Variants in SCHIP1 observed in about 807,000 individuals in gnomAD.
SCHIP1 encodes the protein schwannomin interacting protein 1.
SCHIP1 carries 8 observed loss-of-function variants against 29.7 expected under a neutral mutation model. That is an observed-to-expected ratio of 0.27 (90% CI 0.16 to 0.49). The LOEUF (loss-of-function observed/expected upper bound fraction) is 0.49, where lower values mean the gene tolerates loss of function less well. Ranked by LOEUF, SCHIP1 falls within the 20% of genes least tolerant of loss-of-function variation. The pLI, the probability that SCHIP1 is intolerant of heterozygous loss-of-function variation, is 0.99. For missense variants in SCHIP1, 193 were observed against 294.6 expected (o/e 0.66, Z 2.52); for synonymous variants, 76 against 94.9 (o/e 0.80, Z 1.16).
chr3:159,344,866 G>A, the SCHIP1 span, among the ~76,000 whole-genome samples: 3 of 152,144 alleles, frequency 2.0e-5, no homozygotes, highest in African/African-American at 7.2e-5. Flanking sequence ...TTAACAGTAG[G>A]GAAATTGGGT....
chr3:159,657,213 A>G, the SCHIP1 span, among the ~76,000 whole-genome samples: 2 of 152,230 alleles, frequency 1.3e-5, no homozygotes, highest in Non-Finnish European at 2.9e-5. Flanking sequence ...ACCATCTTCC[A>G]ACAGAGATGG....
At chr3:159,670,634 CTTTTCTA>C in the SCHIP1 span, among the ~76,000 whole-genome samples, 1 of 152,050 alleles carries the variant, frequency 6.6e-6, no homozygotes, top group East Asian at 1.9e-4. Context: ...AATGTGTTTA[CTTTTCTA>C]TGAAAAAAAG....
At chr3:159,677,718 A>G in the SCHIP1 span, among the ~76,000 whole-genome samples, 2 of 151,900 alleles carry the variant, frequency 1.3e-5, no homozygotes, top group Non-Finnish European at 2.9e-5. Flanking sequence ...CTCTGGGGGG[A>G]TCCTTTTTTT....
chr3:159,602,114 C>G, the SCHIP1 span, among the ~76,000 whole-genome samples: 26 of 152,192 alleles, frequency 1.7e-4, no homozygotes, highest in African/African-American at 6.0e-4. Flanking sequence ...CACATCGCAG[C>G]AGTCTATGGT....
the SCHIP1 span, among the ~76,000 whole-genome samples, chr3:159,417,408 T>C: frequency 7.9e-5 from 12 of 152,210 alleles, no homozygotes; most frequent in Admixed American, 3.3e-4. Context: ...AAAATTAATC[T>C]TTATCCATGG....
At chr3:159,656,896 C>T in the SCHIP1 span, among the ~76,000 whole-genome samples, 2 of 152,136 alleles carry the variant, frequency 1.3e-5, no homozygotes, top group African/African-American at 4.8e-5. Context: ...GACTCCCCTC[C>T]ACCCATCCTC....
At chr3:159,424,874 G>A in the SCHIP1 span, among the ~76,000 whole-genome samples, 3 of 150,140 alleles carry the variant, frequency 2.0e-5, no homozygotes, top group Admixed American at 6.7e-5. Flanking sequence ...AGAAGAGAGT[G>A]GGGGCCAATA....
the SCHIP1 span, among the ~76,000 whole-genome samples, chr3:159,666,041 G>GT: frequency 2.4e-4 from 37 of 152,214 alleles, no homozygotes; most frequent in South Asian, 7.5e-3. Context: ...AGAGGAATAC[G>GT]TTTACCTGGG....
chr3:159,729,611 C>T, the SCHIP1 span, among the ~76,000 whole-genome samples: 2 of 152,018 alleles, frequency 1.3e-5, no homozygotes, highest in African/African-American at 4.8e-5. Flanking sequence ...TAATAAAATA[C>T]ATTAGAATAA....
chr3:159,799,251 C>T, the SCHIP1 span, among the ~76,000 whole-genome samples: 1 of 152,208 alleles, frequency 6.6e-6, no homozygotes, highest in South Asian at 2.1e-4. Context: ...CTTGGCTTCT[C>T]TGTTAGAAAG....
chr3:159,445,011 C>A, the SCHIP1 span, among the ~76,000 whole-genome samples: 2 of 151,906 alleles, frequency 1.3e-5, no homozygotes, highest in African/African-American at 4.8e-5. Context: ...GCAACAAAAG[C>A]CAAAATTGAC....
At chr3:159,383,446 T>C in the SCHIP1 span, among the ~76,000 whole-genome samples, 2 of 151,942 alleles carry the variant, frequency 1.3e-5, no homozygotes, top group African/African-American at 4.8e-5. Context: ...CTGAGGGCTC[T>C]ATTCTGTTCC....
At chr3:159,481,643 C>T in the SCHIP1 span, among the ~76,000 whole-genome samples, 1 of 152,146 alleles carries the variant, frequency 6.6e-6, no homozygotes, top group Non-Finnish European at 1.5e-5. Context: ...GGAGTAACTG[C>T]CAGTTTGGTG....
chr3:159,361,167 G>A, the SCHIP1 span, among the ~76,000 whole-genome samples: 1 of 152,214 alleles, frequency 6.6e-6, no homozygotes, highest in African/African-American at 2.4e-5. Context: ...TGGTATGTTA[G>A]AAAGTGAAGG....
chr3:159,834,551 C>T, the SCHIP1 span, among the ~76,000 whole-genome samples: 70 of 152,210 alleles, frequency 4.6e-4, no homozygotes, highest in Non-Finnish European at 8.4e-4. Context: ...TGTGTTTCTG[C>T]GAAGCATTTT....
chr3:159,501,588 T>C, the SCHIP1 span, among the ~76,000 whole-genome samples: 1 of 152,228 alleles, frequency 6.6e-6, no homozygotes, highest in Non-Finnish European at 1.5e-5. Context: ...AAATCCCATA[T>C]ACTACTCACC....
the SCHIP1 span, among the ~76,000 whole-genome samples, chr3:159,385,753 TGCA>T: frequency 6.6e-6 from 1 of 152,204 alleles, no homozygotes; most frequent in Non-Finnish European, 1.5e-5. Context: ...GTGCAGAACG[TGCA>T]GGTTTGTTAC....
At chr3:159,477,187 C>A in the SCHIP1 span, among the ~76,000 whole-genome samples, 2 of 152,072 alleles carry the variant, frequency 1.3e-5, no homozygotes, top group African/African-American at 4.8e-5. Flanking sequence ...TTTATTCATT[C>A]ATTGGTGGAC....
intron 1 of SCHIP1, among the ~76,000 whole-genome samples, chr3:159,857,595 C>G (rs985919725): frequency 2.6e-5 from 4 of 152,128 alleles, no homozygotes; most frequent in Admixed American, 6.5e-5. Flanking sequence ...ACTCCCAAAT[C>G]CTTTCTTCTC....
Sources: allele counts gnomAD v4.1 joint callset (sites outside exome capture counted in the v4.1 genomes callset), GRCh38; gene constraint gnomAD v4.1.1; transcripts MANE v1.5; gene names NCBI Gene and HGNC (gene_info 2026-07-23, HGNC 2026-07-21).